Variants in TAFA2 observed in about 807,000 individuals in gnomAD.
TAFA2 encodes the protein chemokine-like protein TAFA-2.
In TAFA2, 7 loss-of-function variants were observed where a neutral mutation model predicts 18.8. The observed-to-expected ratio is 0.37, with a 90% CI of 0.21 to 0.70. The LOEUF (loss-of-function observed/expected upper bound fraction) is 0.70, where lower values mean the gene tolerates loss of function less well. Among genes scored for constraint, TAFA2 ranks in the 30% least tolerant of loss-of-function variants. The pLI is 0.53. For missense variants in TAFA2, 122 were observed against 158.1 expected (o/e 0.77, Z 1.23); for synonymous variants, 60 against 54.2 (o/e 1.11, Z -0.47).
At chr12:61,748,074 A>T (rs1033829345) in intron 4 of TAFA2, among the ~76,000 whole-genome samples, 3 of 151,918 alleles carry the variant, frequency 2.0e-5, no homozygotes, top group South Asian at 2.1e-4. Flanking sequence ...TTCAATCTAC[A>T]GGTTGCAACA....
intron 1 of TAFA2, among the ~76,000 whole-genome samples, chr12:61,886,843 T>C (rs1406858155): frequency 6.6e-6 from 1 of 152,210 alleles, no homozygotes; most frequent in Admixed American, 6.5e-5. Flanking sequence ...TAATTGACGA[T>C]GTAATGATAG....
At chr12:61,962,470 C>G (rs1878919655) in intron 1 of TAFA2, among the ~76,000 whole-genome samples, 2 of 151,726 alleles carry the variant, frequency 1.3e-5, no homozygotes, top group Non-Finnish European at 2.9e-5. Context: ...TTGGTTTTTG[C>G]TTAAGCTTTT....
At chr12:62,236,261 C>CTTT (rs61199215) in intron 1 of TAFA2, among the ~76,000 whole-genome samples, 2 of 113,840 alleles carry the variant, frequency 1.8e-5, no homozygotes, top group African/African-American at 2.9e-5. Context: ...TGTTTTTTTT[C>CTTT]TTTTTTTTTT....
At chr12:62,253,702 T>C (rs979778953) in intron 1 of TAFA2, 3 of 152,220 alleles carry the variant, frequency 2.0e-5, no homozygotes, top group South Asian at 2.1e-4. Context: ...ATTCATATGA[T>C]TAGATTGGAC....
At position 62,221,394 on chromosome 12, in the gene TAFA2, T is replaced by C. The variant is rs535144515; in HGVS notation, c.-130+37369A>G. ...TGAAAATATTAGACCAACCAACTGA[T>C]TTAGTAGGCATCTAGGTTGGTAACA... On this transcript the variant is annotated intron_variant, in intron 1 of 5. Coordinates refer to the TAFA2 transcript ENST00000551619. Among the ~76,000 whole-genome samples, 17 of 152,312 alleles carry C rather than the reference T, an allele frequency of 1.1e-4. No individual in the cohort carries two copies. The South Asian group carries it at 3.1e-3, about 28-fold the overall frequency.
intron 2 of TAFA2, among the ~76,000 whole-genome samples, chr12:61,772,781 T>G (rs1017767820): frequency 6.6e-6 from 1 of 151,584 alleles, no homozygotes; most frequent in Non-Finnish European, 1.5e-5. Context: ...TTGAAAGCAC[T>G]CCCCCTGAGA....
intron 1 of TAFA2, among the ~76,000 whole-genome samples, chr12:62,168,026 T>C (rs2062451768): frequency 1.3e-5 from 2 of 152,206 alleles, no homozygotes; most frequent in African/African-American, 4.8e-5. Flanking sequence ...CTTTGAAAGA[T>C]GCTAAAGATT....
intron 4 of TAFA2, among the ~76,000 whole-genome samples, chr12:61,718,144 G>A (rs1341710303): frequency 6.6e-6 from 1 of 152,132 alleles, no homozygotes; most frequent in African/African-American, 2.4e-5. Context: ...TTCCTATGCT[G>A]TGCAAATGAA....
At chr12:61,839,698 TG>T (rs1873090580) in intron 2 of TAFA2, among the ~76,000 whole-genome samples, 1 of 152,004 alleles carries the variant, frequency 6.6e-6, no homozygotes, top group Non-Finnish European at 1.5e-5. Flanking sequence ...GCTAAACATT[TG>T]GTACACACAG....
chr12:61,880,093 C>A, intron 1 of TAFA2: 1 of 637,524 alleles, frequency 1.6e-6, no homozygotes, highest in South Asian at 1.6e-5. Context: ...TGGACATGGA[C>A]AACATCATCA....
intron 1 of TAFA2, among the ~76,000 whole-genome samples, chr12:62,202,699 T>C (rs536090225): frequency 6.6e-6 from 1 of 152,290 alleles, no homozygotes; most frequent in South Asian, 2.1e-4. Flanking sequence ...CCAGAGATCC[T>C]GGTACTTTGT....
intron 1 of TAFA2, among the ~76,000 whole-genome samples, chr12:61,965,243 G>T (rs11174258): frequency 0.1 from 15,365 of 151,776 alleles, 847 homozygotes; most frequent in East Asian, 0.21. Context: ...AGAGGAACTT[G>T]TTTGCCCTTT....
At chr12:61,955,613 AAAAAAAAAAAAAAAAAAAAAT>A (rs1363767965) in intron 1 of TAFA2, among the ~76,000 whole-genome samples, 47 of 25,724 alleles carry the variant, frequency 1.8e-3, no homozygotes, top group Middle Eastern at 0.016. Flanking sequence ...AAAAAAAAAA[AAAAAAAAAAAAAAAAAAAAAT>A]ATATATATAT....
intron 2 of TAFA2, among the ~76,000 whole-genome samples, chr12:61,832,542 T>A (rs191238979): frequency 6.6e-6 from 1 of 152,038 alleles, no homozygotes; most frequent in Non-Finnish European, 1.5e-5. Flanking sequence ...TTTGTCCAAA[T>A]TCCTGATTGA....
intron 1 of TAFA2, among the ~76,000 whole-genome samples, chr12:61,881,690 A>G (rs2121272441): frequency 6.6e-6 from 1 of 152,176 alleles, no homozygotes; most frequent in Admixed American, 6.5e-5. Context: ...TGGGAAGGAG[A>G]GCCTCATACC....
upstream of TAFA2, chr12:62,259,441 T>C (rs2062971550): frequency 6.6e-6 from 1 of 152,344 alleles, no homozygotes; most frequent in African/African-American, 2.4e-5. Context: ...TGCTATACTG[T>C]ATAGCATGTG....
At chr12:62,010,843 G>A (rs1487609593) in intron 1 of TAFA2, among the ~76,000 whole-genome samples, 29 of 127,136 alleles carry the variant, frequency 2.3e-4, no homozygotes, top group African/African-American at 3.3e-4. Context: ...GCAGCCCTTC[G>A]TCTGGGAGGT....
intron 1 of TAFA2, among the ~76,000 whole-genome samples, chr12:62,100,317 T>C (rs930692178): frequency 3.9e-5 from 6 of 152,242 alleles, no homozygotes; most frequent in African/African-American, 1.4e-4. Context: ...TTGAAACCAC[T>C]ATGTCAGAGG....
At chr12:61,778,897 C>T (rs1870387248) in intron 2 of TAFA2, among the ~76,000 whole-genome samples, 1 of 151,912 alleles carries the variant, frequency 6.6e-6, no homozygotes, top group Admixed American at 6.6e-5. Context: ...AAACAAATTA[C>T]TTTACCAGTT....
Sources: gnomAD v4.1 joint callset for allele counts (sites outside exome capture counted in the v4.1 genomes callset) on GRCh38, gnomAD v4.1.1 for gene constraint, MANE v1.5 for transcripts, NCBI Gene and HGNC (gene_info 2026-07-23, HGNC 2026-07-21) for gene names.